Variants in ZNF529 observed in about 807,000 individuals in gnomAD.
ZNF529 encodes the protein zinc finger protein 529.
A neutral mutation model predicts 10.1 loss-of-function variants in ZNF529; 11 were observed. The ratio of observed to expected loss-of-function variants is 1.09; its 90% CI spans 0.69 to 1.81. The LOEUF (loss-of-function observed/expected upper bound fraction) is 1.81, where lower values mean the gene tolerates loss of function less well. Among genes scored for constraint, ZNF529 ranks in the 40% most tolerant of loss-of-function variants. The pLI is 0.00. For missense variants in ZNF529, 624 were observed against 666.8 expected (o/e 0.94, Z 0.71); for synonymous variants, 204 against 215.7 (o/e 0.95, Z 0.47).
At chr19:36,568,747 C>T (rs1016349990) in intron 2 of ZNF529, among the ~76,000 whole-genome samples, 1 of 152,150 alleles carries the variant, frequency 6.6e-6, no homozygotes, top group East Asian at 1.9e-4. Flanking sequence ...GCTGGGATTA[C>T]AGGTGTGAGC....
chr19:36,563,713 T>C (rs566029010), intron 2 of ZNF529, among the ~76,000 whole-genome samples: 146 of 152,312 alleles, frequency 9.6e-4, no homozygotes, highest in African/African-American at 3.2e-3. Context: ...AGGCAATTTA[T>C]AGATTCAATG....
rs988563107 is a variant in ZNF529 at position 36,546,212 on chromosome 19, G to T, written c.*654C>A. The stretch of plus-strand genomic sequence containing the variant: ...CACACATACACTATATACACTATAT[G>T]TGTATATACACTATATGTATATAGT... On this transcript the variant is annotated 3_prime_UTR_variant, in exon 5 of 5. Transcript: ENST00000591340. 3 of 139,662 alleles carry T rather than the reference G, an allele frequency of 2.1e-5. No homozygotes were observed. The highest frequency in any genetic ancestry group is 4.6e-5 in the Non-Finnish European group (3 of 65,008). The allele number at this position is 139,662 out of a possible 1,614,324, so 8.7% of individuals were successfully genotyped here. A position where few individuals can be genotyped will look rare whatever the true frequency, so the allele number is the denominator to read the frequency against.
chr19:36,570,360 C>CAAAAAAAAAAAAAAAAAAA (rs58429405), intron 2 of ZNF529, among the ~76,000 whole-genome samples: 11 of 70,572 alleles, frequency 1.6e-4, no homozygotes, highest in Non-Finnish European at 2.3e-4. Context: ...GACCCTATCT[C>CAAAAAAAAAAAAAAAAAAA]AAAAAAAAAA....
intron 1 of ZNF529, among the ~76,000 whole-genome samples, chr19:36,600,938 A>ATGTG (rs1440056925): frequency 6.6e-6 from 1 of 152,246 alleles, no homozygotes; most frequent in Non-Finnish European, 1.5e-5. Context: ...ATAGGCTACA[A>ATGTG]GCAGGGTTTG....
rs73929004 is a variant in ZNF529, at chr19:36,549,658, C to T, written c.236-1336G>A. Among the ~76,000 whole-genome samples, 1,511 of 152,236 alleles carry T rather than the reference C, an allele frequency of 9.9e-3. 17 individuals carry two copies. Among genetic ancestry groups the T allele is most frequent in the African/African-American group, 0.033 (1,390 of 41,524 alleles). On this transcript the variant is annotated intron_variant, in intron 4 of 4. Transcript: ENST00000591340. Reference sequence around the variant, plus strand: ...ATATTGTCCACCACTATTGCTTATTCCCTCTTATGCAGAGCCATGATTGAC... The same window carrying T: ...ATATTGTCCACCACTATTGCTTATTTCCTCTTATGCAGAGCCATGATTGAC...
At chr19:36,559,638 C>A (rs946687842) in intron 2 of ZNF529, among the ~76,000 whole-genome samples, 2 of 152,168 alleles carry the variant, frequency 1.3e-5, no homozygotes, top group Non-Finnish European at 2.9e-5. Flanking sequence ...ATTTGCAGTC[C>A]TTTTCATGGC....
intron 2 of ZNF529, among the ~76,000 whole-genome samples, chr19:36,559,433 TG>T (rs1198221536): frequency 6.6e-6 from 1 of 152,196 alleles, no homozygotes; most frequent in East Asian, 1.9e-4. Context: ...CTCAGCCTCC[TG>T]AGTAGCTGGG....
intron 4 of ZNF529, chr19:36,551,851 T>C (rs2035271712): frequency 6.6e-6 from 1 of 152,214 alleles, no homozygotes; most frequent in Non-Finnish European, 1.5e-5. Flanking sequence ...CATATCACTA[T>C]ATATGTTCTC....
chr19:36,559,541 T>G (rs1218530608), intron 2 of ZNF529, among the ~76,000 whole-genome samples: 1 of 152,176 alleles, frequency 6.6e-6, no homozygotes. Context: ...ACTCCTGAGC[T>G]CGTGATCCAC....
At position 36,547,370 on chromosome 19, in the gene ZNF529, G is replaced by A. The variant is rs767683308; in HGVS notation, c.1188C>T (p.Cys396=). 3 of 1,613,776 alleles carry A rather than the reference G, an allele frequency of 1.9e-6. No homozygotes were observed. The highest frequency in any genetic ancestry group is 1.3e-5 in the African/African-American group (1 of 74,972). Residue 396 remains cysteine (C), a synonymous_variant, in exon 5 of 5, where the codon TGC becomes TGT. Transcript: ENST00000591340. ...RIHTGKKPYE[C]KACGKVFRNS... is the part of the protein sequence containing the mutation. The stretch of plus-strand genomic sequence containing the variant: ...TTCTAAAGACCTTTCCACATGCTTT[G>A]CATTCATAGGGTTTCTTACCAGTAT...
rs2034957263 is a variant in ZNF529, at chr19:36,545,007, C to T, written c.*1859G>A. ...TTGGGAGGCCGAGGCAGGGGGATCA[C>T]AAGGTCAGGAAATCGAGACTGTCTT... On this transcript the variant is annotated 3_prime_UTR_variant, in exon 5 of 5. Coordinates refer to ENST00000591340, the MANE Select transcript of ZNF529 (RefSeq NM_020951.5). 1 of 152,056 alleles carries T rather than the reference C, an allele frequency of 6.6e-6. No individual in the cohort carries two copies. Among genetic ancestry groups the T allele is most frequent in the African/African-American group, 2.4e-5 (1 of 41,386 alleles). 9.4% of individuals were successfully genotyped at this position (152,056 alleles called of 1,614,324 possible).
rs753818666 is a variant in ZNF529, at chr19:36,547,296, G to T, written c.1262C>A (p.Pro421His). Reference protein sequence around the residue: ...RHQRIHTGEKPYKCKECEKAF... With the variant: ...RHQRIHTGEKHYKCKECEKAF... ...TTTCTCACATTCTTTACATTTATAG[G>T]GTTTTTCACCAGTATGAATCCTCTG... The change falls in exon 5 of 5, where the codon CCC (proline) becomes CAC (histidine). Residue 421 changes from proline to histidine, a missense_variant. By Grantham distance (77) the Pro-to-His change is moderately conservative (BLOSUM62 -2). Coordinates refer to ENST00000591340, the MANE Select transcript of ZNF529 (RefSeq NM_020951.5). 1 of 1,613,690 alleles carries T rather than the reference G, an allele frequency of 6.2e-7. No homozygotes were observed.
chr19:36,592,752 G>A (rs2036753067), intron 1 of ZNF529, among the ~76,000 whole-genome samples: 1 of 152,138 alleles, frequency 6.6e-6, no homozygotes, highest in Non-Finnish European at 1.5e-5. Flanking sequence ...TTGGCTGGGA[G>A]GCAGGATTCC....
At chr19:36,602,600 A>C (rs1326852488) in intron 1 of ZNF529, among the ~76,000 whole-genome samples, 1 of 152,034 alleles carries the variant, frequency 6.6e-6, no homozygotes, top group African/African-American at 2.4e-5. Context: ...ATACTCACAC[A>C]GTCTACACAG....
chr19:36,554,880 G>A, intron 3 of ZNF529, 84 bp from the exon 4 acceptor site: 4 of 1,318,360 alleles, frequency 3.0e-6, no homozygotes, highest in South Asian at 1.8e-5. Flanking sequence ...CTTATAGCAA[G>A]GGGATTGGAC....
At position 36,547,473 on chromosome 19, in the gene ZNF529, C is replaced by T. The variant is rs2035079879; in HGVS notation, c.1085G>A (p.Gly362Asp). Reference sequence around the variant, plus strand: ...TTCCTTACATGCATAAGGTTTCTCACCAGTGTGAATTCTCTGATGTTCAAT... The same window carrying T: ...TTCCTTACATGCATAAGGTTTCTCATCAGTGTGAATTCTCTGATGTTCAAT... The part of the protein sequence containing the change: ...QLIEHQRIHT[G>D]EKPYACKECG... The change falls in exon 5 of 5, where the codon GGT becomes GAT. Residue 362 changes from glycine (G) to aspartate (D), a missense_variant. Transcript: ENST00000591340. 3 of 1,614,080 alleles carry T rather than the reference C, an allele frequency of 1.9e-6. No homozygotes were observed. The highest frequency in any genetic ancestry group is 2.5e-6 in the Non-Finnish European group (3 of 1,179,972).
intron 3 of ZNF529, 66 bp from the exon 4 acceptor site, chr19:36,554,862 G>A (rs940307117): frequency 7.1e-7 from 1 of 1,404,596 alleles, no homozygotes; most frequent in African/African-American, 1.4e-5. Flanking sequence ...AAAGACAAGA[G>A]GAATTGCCTT....
intron 4 of ZNF529, among the ~76,000 whole-genome samples, chr19:36,552,807 T>A (rs1040818881): frequency 6.6e-6 from 1 of 152,196 alleles, no homozygotes; most frequent in Non-Finnish European, 1.5e-5. Flanking sequence ...GATAAAGATG[T>A]CAGAAAAGAG....
chr19:36,575,730 G>C (rs2036299283), upstream of ZNF529, among the ~76,000 whole-genome samples: 1 of 151,972 alleles, frequency 6.6e-6, no homozygotes, highest in Non-Finnish European at 1.5e-5. Flanking sequence ...TTACTAAATA[G>C]GTACTATCTC....
Sources: allele counts gnomAD v4.1 joint callset (sites outside exome capture counted in the v4.1 genomes callset), GRCh38; gene constraint gnomAD v4.1.1; transcripts MANE v1.5; gene names NCBI Gene and HGNC (gene_info 2026-07-23, HGNC 2026-07-21).